The following GXYLT1 variants were observed in gnomAD, a reference collection of about 807,000 sequenced individuals.
GXYLT1 encodes glycosyltransferase 8 domain containing 3.
GXYLT1 carries 29 observed loss-of-function variants against 54.0 expected under a neutral mutation model. The ratio of observed to expected loss-of-function variants is 0.54; its 90% CI spans 0.40 to 0.73. GXYLT1 has a LOEUF of 0.73. GXYLT1 is among the 30% of genes least tolerant of loss of function. The pLI, the probability that GXYLT1 is intolerant of heterozygous loss-of-function variation, is 0.00. For synonymous variants in GXYLT1, 176 were observed against 204.1 expected, an observed-to-expected ratio of 0.86 and a Z score of 1.17; for missense variants, 490 against 553.4, an observed-to-expected ratio of 0.89 and a Z score of 1.15.
At chr12:42,103,670 T>G (rs1565568882) in intron 5 of GXYLT1, among the ~76,000 whole-genome samples, 1 of 152,162 alleles carries the variant, frequency 6.6e-6, no homozygotes, top group Non-Finnish European at 1.5e-5. Flanking sequence ...AAAGCAAATC[T>G]GAGTATGTTC....
chr12:42,099,106 G>A (rs1010694345), intron 5 of GXYLT1, among the ~76,000 whole-genome samples: 19 of 152,202 alleles, frequency 1.2e-4, no homozygotes, highest in African/African-American at 4.6e-4. Context: ...AGAGACCCTA[G>A]TCTCCTGATG....
chr12:42,098,086 G>T, intron 5 of GXYLT1, 53 bp from the exon 6 acceptor site: 7 of 1,560,116 alleles, frequency 4.5e-6, no homozygotes, highest in Non-Finnish European at 5.2e-6. Context: ...TAAAATGGCA[G>T]CATGATGACA....
chr12:42,095,780 G>A (rs185455764), intron 7 of GXYLT1, among the ~76,000 whole-genome samples: 4 of 152,186 alleles, frequency 2.6e-5, no homozygotes, highest in East Asian at 1.9e-4. Flanking sequence ...GAAAGCATAC[G>A]GAAACGAATG....
At chr12:42,137,615 G>T (rs1389568242) in intron 1 of GXYLT1, among the ~76,000 whole-genome samples, 1 of 151,712 alleles carries the variant, frequency 6.6e-6, no homozygotes, top group East Asian at 1.9e-4. Context: ...AAATTATCTG[G>T]GCGTGGTGGC....
At chr12:42,126,471 A>G (rs1367630890) in intron 2 of GXYLT1, among the ~76,000 whole-genome samples, 4 of 152,214 alleles carry the variant, frequency 2.6e-5, no homozygotes, top group Non-Finnish European at 1.5e-5. Flanking sequence ...TTAAAGACAT[A>G]AAGCCAGGCA....
chr12:42,122,818 T>G (rs2136909180), intron 2 of GXYLT1, among the ~76,000 whole-genome samples: 1 of 152,278 alleles, frequency 6.6e-6, no homozygotes, highest in South Asian at 2.1e-4. Context: ...CCATATATTA[T>G]AAAGGAGATA....
intron 5 of GXYLT1, among the ~76,000 whole-genome samples, chr12:42,099,203 CA>C (rs984221653): frequency 1.3e-4 from 20 of 152,284 alleles, no homozygotes; most frequent in Middle Eastern, 6.8e-3. Context: ...ACCCTGCTAA[CA>C]AAAGTATTTT....
At chr12:42,102,955 T>C (rs2065398640) in intron 5 of GXYLT1, among the ~76,000 whole-genome samples, 1 of 151,946 alleles carries the variant, frequency 6.6e-6, no homozygotes, top group African/African-American at 2.4e-5. Flanking sequence ...TTTTTAATTT[T>C]TTTTTTCTTT....
At chr12:42,123,047 T>C (rs1425300321) in intron 2 of GXYLT1, among the ~76,000 whole-genome samples, 1 of 151,870 alleles carries the variant, frequency 6.6e-6, no homozygotes, top group Non-Finnish European at 1.5e-5. Flanking sequence ...AAAACAAAAA[T>C]ATCACAAAAG....
intron 1 of GXYLT1, among the ~76,000 whole-genome samples, chr12:42,132,553 A>T (rs2065598808): frequency 6.6e-6 from 1 of 152,232 alleles, no homozygotes; most frequent in Non-Finnish European, 1.5e-5. Context: ...CATATTTCAA[A>T]AATATCTTCC....
At chr12:42,101,575 CT>C (rs34135942) in intron 5 of GXYLT1, among the ~76,000 whole-genome samples, 21,264 of 145,296 alleles carry the variant, frequency 0.15, 1,515 homozygotes, top group Non-Finnish European at 0.18. Flanking sequence ...TTTCAAAATA[CT>C]TTTTTTTTTT....
chr12:42,123,879 A>G (rs1298098258), intron 2 of GXYLT1, among the ~76,000 whole-genome samples: 2 of 152,026 alleles, frequency 1.3e-5, no homozygotes, highest in African/African-American at 2.4e-5. Context: ...TTATGCTTAA[A>G]AAGAAAAACA....
chr12:42,120,522 CT>C (rs1250407509), intron 2 of GXYLT1, among the ~76,000 whole-genome samples: 1 of 151,904 alleles, frequency 6.6e-6, no homozygotes, highest in East Asian at 1.9e-4. Flanking sequence ...TAGCTTCGGT[CT>C]TTTTACTTTT....
At chr12:42,120,261 A>C (rs890318659) in intron 2 of GXYLT1, among the ~76,000 whole-genome samples, 2 of 152,238 alleles carry the variant, frequency 1.3e-5, no homozygotes, top group Non-Finnish European at 2.9e-5. Flanking sequence ...TCAGTATTAC[A>C]TTCAATCTTA....
At position 42,144,713 on chromosome 12, in the gene GXYLT1, G is replaced by A; in HGVS notation, c.-67C>T. The A allele has an allele frequency of 5.1e-6, 6 of 1,184,266 alleles. No homozygotes were observed. Among genetic ancestry groups the A allele is most frequent in the Non-Finnish European group, 6.6e-6 (6 of 911,556 alleles). 73.4% of individuals were successfully genotyped at this position (1,184,266 alleles called of 1,614,324 possible). A position where few individuals can be genotyped will look rare whatever the true frequency, so the allele number is the denominator to read the frequency against. ...GCCCCGACGAACTGGAGCGGAGGGA[G>A]GGGCACCGCGCAGCCGCGGGCGCAA... On this transcript the variant is annotated 5_prime_UTR_variant, in exon 1 of 8. Coordinates refer to ENST00000398675, the MANE Select transcript of GXYLT1 (RefSeq NM_173601.2).
chr12:42,088,080 GT>G (rs1245776859), intron 7 of GXYLT1, 133 bp from the exon 8 acceptor site: 5 of 459,694 alleles, frequency 1.1e-5, no homozygotes, highest in Non-Finnish European at 1.9e-5. Context: ...GAAATTAGAT[GT>G]TTAACAAATA....
At chr12:42,094,067 A>AAAG (rs963958329) in intron 7 of GXYLT1, among the ~76,000 whole-genome samples, 5 of 150,672 alleles carry the variant, frequency 3.3e-5, no homozygotes, top group African/African-American at 1.2e-4. Flanking sequence ...AAAAAAAAAA[A>AAAG]GGGGGGTGTT....
At chr12:42,144,375 C>T in intron 1 of GXYLT1, 51 bp downstream of exon 1, 1 of 1,244,662 alleles carries the variant, frequency 8.0e-7, no homozygotes. Flanking sequence ...GCCGAGCCCG[C>T]GCCCAGCGCC....
chr12:42,099,590 C>T (rs1471112293), intron 5 of GXYLT1, among the ~76,000 whole-genome samples: 1 of 152,170 alleles, frequency 6.6e-6, no homozygotes, highest in Non-Finnish European at 1.5e-5. Context: ...CAGCGACTCA[C>T]GCCTGTAATC....
Sources: gnomAD v4.1 joint callset for allele counts (sites outside exome capture counted in the v4.1 genomes callset) on GRCh38, gnomAD v4.1.1 for gene constraint, MANE v1.5 for transcripts, NCBI Gene and HGNC (gene_info 2026-07-23, HGNC 2026-07-21) for gene names.